Variants in PIBF1 observed in about 807,000 individuals in gnomAD.
The protein encoded by PIBF1 is progesterone immunomodulatory binding factor 1.
Under a neutral mutation model 112.5 loss-of-function variants are expected in PIBF1, and 90 were observed. That is an observed-to-expected ratio of 0.80 (90% confidence interval 0.67 to 0.95). The LOEUF (loss-of-function observed/expected upper bound fraction) is 0.95, where lower values mean the gene tolerates loss of function less well. PIBF1 is among the 40% of genes least tolerant of loss of function. The pLI is 0.00. For missense variants in PIBF1, 915 were observed against 852.3 expected (o/e 1.07, Z -0.92); for synonymous variants, 301 against 288.6 (o/e 1.04, Z -0.44).
At chr13:72,995,252 G>A (rs1289428857) in intron 16 of PIBF1, among the ~76,000 whole-genome samples, 1 of 142,174 alleles carries the variant, frequency 7.0e-6, no homozygotes, top group African/African-American at 2.6e-5. Flanking sequence ...AGTGAGCCGA[G>A]ATCACACCAC....
intron 5 of PIBF1, among the ~76,000 whole-genome samples, chr13:72,816,079 T>A (rs1226321987): frequency 6.6e-6 from 1 of 152,184 alleles, no homozygotes; most frequent in African/African-American, 2.4e-5. Context: ...TCCTAATACA[T>A]CAGTGTAGCA....
chr13:72,995,747 C>G (rs1284122466), intron 16 of PIBF1, among the ~76,000 whole-genome samples: 1 of 151,948 alleles, frequency 6.6e-6, no homozygotes, highest in Non-Finnish European at 1.5e-5. Flanking sequence ...GTCAGGACTT[C>G]AAGACCAGCC....
intron 16 of PIBF1, among the ~76,000 whole-genome samples, chr13:72,991,919 C>T (rs2043495097): frequency 6.6e-6 from 1 of 152,068 alleles, no homozygotes; most frequent in East Asian, 1.9e-4. Flanking sequence ...GGGGTTTCAC[C>T]ATGTTAGCCA....
chr13:72,844,190 A>G (rs2037732962), intron 9 of PIBF1, among the ~76,000 whole-genome samples: 1 of 152,210 alleles, frequency 6.6e-6, no homozygotes, highest in African/African-American at 2.4e-5. Flanking sequence ...GCCTGTGATT[A>G]TTATAAACAT....
chr13:72,890,103 C>A (rs1414357559), intron 10 of PIBF1, among the ~76,000 whole-genome samples: 2 of 152,142 alleles, frequency 1.3e-5, no homozygotes, highest in Admixed American at 6.6e-5. Context: ...AGTAAAACTT[C>A]CCCTGTAGAG....
At chr13:72,895,960 C>G (rs967314644) in intron 11 of PIBF1, among the ~76,000 whole-genome samples, 3 of 152,138 alleles carry the variant, frequency 2.0e-5, no homozygotes, top group African/African-American at 7.2e-5. Context: ...GAGACCAGCC[C>G]TTCAGTTTTC....
At chr13:72,946,737 G>C (rs2042157694) in intron 14 of PIBF1, among the ~76,000 whole-genome samples, 1 of 152,192 alleles carries the variant, frequency 6.6e-6, no homozygotes, top group Non-Finnish European at 1.5e-5. Flanking sequence ...CAACAGGACA[G>C]TCAAATCTTA....
rs939830257 is a variant in PIBF1 at position 73,015,922 on chromosome 13, T to C, written c.*3T>C. The C allele has an allele frequency of 6.3e-7, 1 of 1,580,566 alleles. No homozygotes were observed. Among genetic ancestry groups the C allele is most frequent in the Non-Finnish European group, 8.6e-7 (1 of 1,159,878 alleles). On this transcript the variant is annotated 3_prime_UTR_variant, in exon 18 of 18. Transcript: ENST00000326291. ...AGAAACAAAAGATGAAGACCTAGTG[T>C]TTTGGATGGGAAGCACCTGTAGACC...
intron 9 of PIBF1, among the ~76,000 whole-genome samples, chr13:72,843,043 G>A (rs1018732840): frequency 2.0e-5 from 3 of 152,254 alleles, no homozygotes; most frequent in South Asian, 2.1e-4. Context: ...GGTGTAATTC[G>A]TTGTGTGTTA....
intron 14 of PIBF1, among the ~76,000 whole-genome samples, chr13:72,963,144 T>C (rs918590768): frequency 6.6e-5 from 10 of 152,100 alleles, no homozygotes; most frequent in African/African-American, 2.4e-4. Context: ...TCAGACTGGA[T>C]CAGAGACCTA....
chr13:72,856,349 C>A (rs1330004804), intron 10 of PIBF1, among the ~76,000 whole-genome samples: 3 of 152,158 alleles, frequency 2.0e-5, no homozygotes, highest in Non-Finnish European at 4.4e-5. Flanking sequence ...TGGAAAACCT[C>A]ATTTTCAAAC....
intron 16 of PIBF1, among the ~76,000 whole-genome samples, chr13:72,991,359 T>G (rs2043474083): frequency 6.6e-6 from 1 of 152,210 alleles, no homozygotes; most frequent in South Asian, 2.1e-4. Context: ...AAGTAATTAT[T>G]ATACTGCAAC....
chr13:72,966,657 C>T (rs1485630001), intron 15 of PIBF1, among the ~76,000 whole-genome samples: 1 of 150,962 alleles, frequency 6.6e-6, no homozygotes, highest in Non-Finnish European at 1.5e-5. Context: ...ACCTGTAATC[C>T]CAGCACTTTG....
At chr13:72,813,937 A>G (rs912647360) in intron 5 of PIBF1, among the ~76,000 whole-genome samples, 2 of 152,072 alleles carry the variant, frequency 1.3e-5, no homozygotes, top group Non-Finnish European at 2.9e-5. Flanking sequence ...AGCAGAACAG[A>G]TTGTCGGCAG....
chr13:72,944,829 T>C (rs9543179), intron 14 of PIBF1, among the ~76,000 whole-genome samples: 117,628 of 151,950 alleles, frequency 0.77, 45,833 homozygotes, highest in South Asian at 0.85. Context: ...TGCAGTGGCA[T>C]AATCTCGGTT....
chr13:72,864,543 G>A (rs1199662824), intron 10 of PIBF1, among the ~76,000 whole-genome samples: 1 of 152,160 alleles, frequency 6.6e-6, no homozygotes, highest in Non-Finnish European at 1.5e-5. Flanking sequence ...AGTTGTGTGT[G>A]TGCGCATGTG....
intron 10 of PIBF1, among the ~76,000 whole-genome samples, chr13:72,877,536 A>G (rs889286610): frequency 5.3e-5 from 8 of 152,106 alleles, no homozygotes; most frequent in African/African-American, 1.7e-4. Flanking sequence ...GAAGGTTTAA[A>G]TTATTGATTA....
chr13:72,854,436 C>T (rs2038319680), intron 10 of PIBF1, among the ~76,000 whole-genome samples: 1 of 152,116 alleles, frequency 6.6e-6, no homozygotes, highest in Non-Finnish European at 1.5e-5. Flanking sequence ...TATGGCCCTT[C>T]AGTCCTTCTT....
At chr13:72,990,520 C>CAAATAAAT (rs1204552369) in intron 16 of PIBF1, among the ~76,000 whole-genome samples, 2 of 135,800 alleles carry the variant, frequency 1.5e-5, no homozygotes, top group African/African-American at 3.0e-5. Context: ...GACTCCATCT[C>CAAATAAAT]TCCATCTCAA....
Sources: allele counts gnomAD v4.1 joint callset (sites outside exome capture counted in the v4.1 genomes callset), GRCh38; gene constraint gnomAD v4.1.1; transcripts MANE v1.5; gene names NCBI Gene and HGNC (gene_info 2026-07-23, HGNC 2026-07-21).